The following SEL1L variants were observed in gnomAD, a reference collection of about 807,000 sequenced individuals.
SEL1L encodes the protein SEL1L adaptor subunit of SYVN1 ubiquitin ligase, also known as protein sel-1 homolog 1.
Under a neutral mutation model 109.8 loss-of-function variants are expected in SEL1L, and 52 were observed. The ratio of observed to expected loss-of-function variants is 0.47; its 90% CI spans 0.38 to 0.60. The LOEUF (loss-of-function observed/expected upper bound fraction) is 0.60, where lower values mean the gene tolerates loss of function less well. Ranked by LOEUF, SEL1L falls within the 20% of genes least tolerant of loss-of-function variation. The pLI, the probability that SEL1L is intolerant of heterozygous loss-of-function variation, is 0.00. For synonymous variants in SEL1L, 373 were observed against 339.6 expected, an observed-to-expected ratio of 1.10 and a Z score of -1.08; for missense variants, 749 against 962.2, an observed-to-expected ratio of 0.78 and a Z score of 2.93.
At chr14:81,507,852 A>T (rs1884304688) in intron 3 of SEL1L, among the ~76,000 whole-genome samples, 1 of 152,178 alleles carries the variant, frequency 6.6e-6, no homozygotes, top group Admixed American at 6.5e-5. Context: ...TGGGTAGCAG[A>T]GCTCGGTCAT....
intron 3 of SEL1L, among the ~76,000 whole-genome samples, chr14:81,523,170 C>G (rs556089532): frequency 5.3e-5 from 8 of 152,244 alleles, no homozygotes; most frequent in African/African-American, 1.9e-4. Flanking sequence ...TGGGATAGGA[C>G]TTGGTTGCCA....
chr14:81,493,459 G>A (rs1163606677), intron 11 of SEL1L, among the ~76,000 whole-genome samples: 2 of 152,144 alleles, frequency 1.3e-5, no homozygotes, highest in South Asian at 2.1e-4. Context: ...GCAGTGAGCC[G>A]AGACTGCGCC....
chr14:81,478,370 A>G (rs1903236335), intron 20 of SEL1L, among the ~76,000 whole-genome samples: 1 of 152,130 alleles, frequency 6.6e-6, no homozygotes, highest in Non-Finnish European at 1.5e-5. Flanking sequence ...AGTTGGAATA[A>G]CTAGGTGGTA....
chr14:81,513,386 C>T (rs1446543022), intron 3 of SEL1L, among the ~76,000 whole-genome samples: 1 of 152,178 alleles, frequency 6.6e-6, no homozygotes, highest in African/African-American at 2.4e-5. Flanking sequence ...CTCTAACACT[C>T]ACTGCGAAGG....
intron 3 of SEL1L, among the ~76,000 whole-genome samples, chr14:81,525,145 A>G (rs1233494838): frequency 6.6e-6 from 1 of 152,190 alleles, no homozygotes; most frequent in African/African-American, 2.4e-5. Context: ...AAAAGGGCAA[A>G]TGTGTGTAGG....
chr14:81,511,120 A>G (rs1329428152), intron 3 of SEL1L, among the ~76,000 whole-genome samples: 1 of 152,232 alleles, frequency 6.6e-6, no homozygotes, highest in Non-Finnish European at 1.5e-5. Flanking sequence ...AAAGTTGAAA[A>G]CTGCTAAATA....
chr14:81,508,697 G>A (rs890509452), intron 3 of SEL1L, among the ~76,000 whole-genome samples: 7 of 152,292 alleles, frequency 4.6e-5, no homozygotes, highest in African/African-American at 1.2e-4. Context: ...GCAGTGAGCC[G>A]AGAAAGCGTC....
chr14:81,472,125 A>T lies in SEL1L; in HGVS notation c.*4847T>A, dbSNP rs1046255045. 1 of 153,216 alleles carries T rather than the reference A, an allele frequency of 6.5e-6. No homozygotes were observed. The highest frequency in any genetic ancestry group is 2.4e-5 in the African/African-American group (1 of 41,456). 9.5% of individuals were successfully genotyped at this position (153,216 alleles called of 1,614,324 possible). On this transcript the variant is annotated 3_prime_UTR_variant, in exon 21 of 21. Coordinates refer to ENST00000336735, the MANE Select transcript of SEL1L (RefSeq NM_005065.6). ...GTAGCTCATCAAGTTGCAGCCAATG[A>T]AGATGGAGGACATTCTAATGACTTG...
intron 1 of SEL1L, among the ~76,000 whole-genome samples, chr14:81,530,296 C>A (rs1033959843): frequency 2.0e-5 from 3 of 152,208 alleles, no homozygotes; most frequent in Non-Finnish European, 4.4e-5. Flanking sequence ...AATTCTGAGA[C>A]CTGGAGAGCT....
intron 14 of SEL1L, 164 bp downstream of exon 14, chr14:81,489,088 G>C: frequency 1.5e-6 from 1 of 673,050 alleles, no homozygotes; most frequent in Non-Finnish European, 2.7e-6. Context: ...GGTGTCTGTC[G>C]GGTATGGGGT....
At position 81,499,495 on chromosome 14, in the gene SEL1L, T is replaced by A. The variant is rs1352069580; in HGVS notation, c.855A>T (p.Gly285=). ...GGGCTATTAGATTGCCCCCAAGAGC[T>A]CCAAATGTATAATATACAAGAGCCT... ...QAKALVYYTF[G]ALGGNLIAHM... Residue 285 remains glycine (G), a synonymous_variant, in exon 8 of 21, where the codon GGA becomes GGT. Transcript: ENST00000336735. The A allele has an allele frequency of 6.2e-7, 1 of 1,612,516 alleles. No individual in the cohort carries two copies. Among genetic ancestry groups the A allele is most frequent in the Non-Finnish European group, 8.5e-7 (1 of 1,179,606 alleles).
In SEL1L at chr14:81,472,817, G is replaced by A. The variant is rs1903047804; in HGVS notation, c.*4155C>T. The A allele has an allele frequency of 9.5e-6, 2 of 211,292 alleles. No individual in the cohort carries two copies. Among genetic ancestry groups the A allele is most frequent in the Admixed American group, 1.1e-4 (2 of 17,788 alleles). 13.1% of individuals were successfully genotyped at this position (211,292 alleles called of 1,614,324 possible). ...AAATTGCCACAAGTGAATGTTTTCA[G>A]AAGCTTCTGAATTTCCAAAAAACAT... On this transcript the variant is annotated 3_prime_UTR_variant, in exon 21 of 21. Coordinates refer to ENST00000336735, the MANE Select transcript of SEL1L (RefSeq NM_005065.6).
rs117825454 is a variant in SEL1L at position 81,521,789 on chromosome 14, C to T, written c.340+4944G>A. Reference sequence around the variant, plus strand: ...ATCCTTACTTTAGCATGTACTCCTACTTATTAAAAAAAAAAGTTAACTGTA... The same window carrying T: ...ATCCTTACTTTAGCATGTACTCCTATTTATTAAAAAAAAAAGTTAACTGTA... On this transcript the variant is annotated intron_variant, in intron 3 of 20. Transcript: ENST00000336735. 6.9e-3 allele frequency among the ~76,000 whole-genome samples: 1,051 copies of T among 152,142 alleles called. 9 individuals are homozygous for T. Among genetic ancestry groups the T allele is most frequent in the Non-Finnish European group, 0.01 (685 of 68,008 alleles).
chr14:81,504,107 G>T, intron 5 of SEL1L, 94 bp downstream of exon 5: 3 of 660,458 alleles, frequency 4.5e-6, no homozygotes, highest in Admixed American at 3.2e-5. Context: ...AATCTTCTGC[G>T]TCTCTGGCAG....
intron 8 of SEL1L, 117 bp from the exon 9 acceptor site, chr14:81,498,611 T>C: frequency 1.4e-6 from 1 of 691,456 alleles, no homozygotes; most frequent in Non-Finnish European, 2.5e-6. Context: ...CCAAGTACAC[T>C]AACACCTTAT....
At chr14:81,477,430 A>C (rs1348066130) in intron 20 of SEL1L, among the ~76,000 whole-genome samples, 1 of 151,984 alleles carries the variant, frequency 6.6e-6, no homozygotes, top group African/African-American at 2.4e-5. Flanking sequence ...TTAATATAAA[A>C]TGTCTGACAG....
intron 10 of SEL1L, among the ~76,000 whole-genome samples, chr14:81,496,372 C>T (rs916839949): frequency 1.3e-5 from 2 of 152,106 alleles, no homozygotes; most frequent in Non-Finnish European, 2.9e-5. Flanking sequence ...CCCAGTGAAC[C>T]TGCTCTAAAG....
chr14:81,524,935 T>C (rs1226902374), intron 3 of SEL1L, among the ~76,000 whole-genome samples: 1 of 152,064 alleles, frequency 6.6e-6, no homozygotes, highest in Non-Finnish European at 1.5e-5. Context: ...ACCTAGGTCT[T>C]AGCTTAGAAA....
intron 3 of SEL1L, among the ~76,000 whole-genome samples, chr14:81,525,084 G>C (rs1400251357): frequency 6.6e-6 from 1 of 152,178 alleles, no homozygotes; most frequent in Non-Finnish European, 1.5e-5. Context: ...GAGAGACACA[G>C]AGATGTAAAA....
Sources: allele counts gnomAD v4.1 joint callset (sites outside exome capture counted in the v4.1 genomes callset), GRCh38; gene constraint gnomAD v4.1.1; transcripts MANE v1.5; gene names NCBI Gene and HGNC (gene_info 2026-07-23, HGNC 2026-07-21).